GPR176: variants seen among roughly 807,000 people sequenced by gnomAD.
GPR176 encodes G-protein coupled receptor 176.
A neutral mutation model predicts 35.4 loss-of-function variants in GPR176; 26 were observed. The observed-to-expected ratio is 0.74, with a 90% CI of 0.54 to 1.02. The LOEUF is 1.02. Ranked by LOEUF, GPR176 falls within the 50% of genes least tolerant of loss-of-function variation. GPR176 has a pLI of 0.00. For missense variants in GPR176, 597 were observed against 665.3 expected (o/e 0.90, Z 1.13); for synonymous variants, 278 against 271.3 (o/e 1.02, Z -0.24).
intron 1 of GPR176, among the ~76,000 whole-genome samples, chr15:39,866,642 T>C (rs1312017233): frequency 6.6e-6 from 1 of 152,138 alleles, no homozygotes; most frequent in Non-Finnish European, 1.5e-5. Flanking sequence ...AAGAGAAAAA[T>C]ATATGTATAA....
intron 1 of GPR176, among the ~76,000 whole-genome samples, chr15:39,870,834 A>C (rs750464532): frequency 8.5e-5 from 13 of 152,072 alleles, no homozygotes; most frequent in Non-Finnish European, 1.5e-4. Flanking sequence ...GGTTTCTAGG[A>C]GCTTAGAGTC....
chr15:39,809,973 G>A (rs1452032970), intron 1 of GPR176, among the ~76,000 whole-genome samples: 2 of 151,942 alleles, frequency 1.3e-5, no homozygotes, highest in Admixed American at 1.3e-4. Flanking sequence ...GTGAAACCCC[G>A]TCTCTACTAA....
At chr15:39,867,747 G>A (rs1453110926) in intron 1 of GPR176, among the ~76,000 whole-genome samples, 1 of 152,152 alleles carries the variant, frequency 6.6e-6, no homozygotes, top group Non-Finnish European at 1.5e-5. Context: ...ACTGACAGGA[G>A]AGAAAAGAGG....
intron 1 of GPR176, among the ~76,000 whole-genome samples, chr15:39,875,940 A>AATATATGTATATATTTAATTTAC (rs1173460183): frequency 8.0e-5 from 12 of 149,234 alleles, no homozygotes; most frequent in Non-Finnish European, 1.3e-4. Context: ...TATGAGTTTA[A>AATATATGTATATATTTAATTTAC]ATATATGTAT....
chr15:39,831,871 G>A (rs1011335766), intron 1 of GPR176, among the ~76,000 whole-genome samples: 2 of 151,868 alleles, frequency 1.3e-5, no homozygotes, highest in East Asian at 1.9e-4. Context: ...CTTTATATCC[G>A]TCATTGACTT....
At chr15:39,902,676 T>C (rs2033313334) in intron 1 of GPR176, among the ~76,000 whole-genome samples, 2 of 152,252 alleles carry the variant, frequency 1.3e-5, no homozygotes, top group African/African-American at 4.8e-5. Flanking sequence ...TTCCTGGAAA[T>C]TGAATTAACA....
In GPR176 at chr15:39,802,147, AAC is replaced by A; in HGVS notation, c.531_532del (p.Phe178CysfsTer7). 1 of 1,614,228 alleles carries A rather than the reference AAC, an allele frequency of 6.2e-7. No homozygotes were observed. Among genetic ancestry groups the A allele is most frequent in the Non-Finnish European group, 8.5e-7 (1 of 1,180,038 alleles). ...GATGTCAGCCACATTGGTTACTGCA[AAC>A]ACAGGGACACTGGCCACCACTGCAT... On this transcript the variant is annotated frameshift_variant, in exon 3 of 3. Coordinates refer to ENST00000561100, the MANE Select transcript of GPR176 (RefSeq NM_007223.3). LOFTEE classifies it high-confidence loss of function.
At chr15:39,913,174 T>C (rs1321686707) in intron 1 of GPR176, among the ~76,000 whole-genome samples, 1 of 152,134 alleles carries the variant, frequency 6.6e-6, no homozygotes, top group Non-Finnish European at 1.5e-5. Context: ...CCTGAAAATA[T>C]TATGCTAAGT....
chr15:39,841,497 A>G (rs949147902), intron 1 of GPR176, among the ~76,000 whole-genome samples: 2 of 152,172 alleles, frequency 1.3e-5, no homozygotes, highest in Non-Finnish European at 2.9e-5. Flanking sequence ...AGACAGACAC[A>G]CACAGGGAAG....
chr15:39,833,111 T>A (rs1184549248), intron 1 of GPR176, among the ~76,000 whole-genome samples: 1 of 152,094 alleles, frequency 6.6e-6, no homozygotes. Context: ...GGGAGCATTA[T>A]TCTGCTGCCT....
intron 1 of GPR176, among the ~76,000 whole-genome samples, chr15:39,880,343 C>T (rs762637398): frequency 3.3e-5 from 5 of 152,154 alleles, no homozygotes; most frequent in African/African-American, 2.4e-5. Context: ...ACTTCTCTAC[C>T]ACAGCTCTCC....
At chr15:39,882,235 C>T (rs904117034) in intron 1 of GPR176, among the ~76,000 whole-genome samples, 3 of 152,148 alleles carry the variant, frequency 2.0e-5, no homozygotes, top group Admixed American at 6.5e-5. Flanking sequence ...AAATCACATG[C>T]TCAGAGGAAA....
chr15:39,905,378 A>C (rs1209818503), intron 1 of GPR176, among the ~76,000 whole-genome samples: 1 of 151,860 alleles, frequency 6.6e-6, no homozygotes, highest in Non-Finnish European at 1.5e-5. Context: ...TGGGAGGCTA[A>C]GGCAGGAGGA....
intron 1 of GPR176, among the ~76,000 whole-genome samples, chr15:39,859,234 G>T (rs2031436542): frequency 6.6e-6 from 1 of 151,970 alleles, no homozygotes; most frequent in Non-Finnish European, 1.5e-5. Flanking sequence ...CTGAAAAAAG[G>T]TATATCTGAG....
chr15:39,874,088 C>A (rs1196067845), intron 1 of GPR176, among the ~76,000 whole-genome samples: 2 of 152,206 alleles, frequency 1.3e-5, no homozygotes, highest in South Asian at 4.1e-4. Context: ...AAGTGACTTA[C>A]GTAAGTCTGC....
intron 1 of GPR176, chr15:39,829,265 G>T: frequency 1.1e-5 from 16 of 1,450,048 alleles, no homozygotes; most frequent in Non-Finnish European, 1.4e-5. Context: ...CTTGGACTCG[G>T]GCATCAGAAT....
At chr15:39,872,376 G>A (rs2032075962) in intron 1 of GPR176, among the ~76,000 whole-genome samples, 1 of 152,060 alleles carries the variant, frequency 6.6e-6, no homozygotes, top group Non-Finnish European at 1.5e-5. Context: ...AGAAGGAGGA[G>A]TACAGGCTGA....
At chr15:39,914,000 A>T (rs767111818) in intron 1 of GPR176, among the ~76,000 whole-genome samples, 50 of 152,164 alleles carry the variant, frequency 3.3e-4, no homozygotes, top group Non-Finnish European at 6.6e-4. Context: ...GAGCTGAGAT[A>T]GCGCCACCGC....
intron 1 of GPR176, among the ~76,000 whole-genome samples, chr15:39,857,275 C>T (rs2031284352): frequency 6.6e-6 from 1 of 152,128 alleles, no homozygotes; most frequent in Admixed American, 6.5e-5. Flanking sequence ...ACTCATTAAC[C>T]CAACCCTTAC....
Sources: allele counts gnomAD v4.1 joint callset (sites outside exome capture counted in the v4.1 genomes callset), GRCh38; gene constraint gnomAD v4.1.1; transcripts MANE v1.5; gene names NCBI Gene and HGNC (gene_info 2026-07-23, HGNC 2026-07-21).